The following LVRN variants were observed in gnomAD, a reference collection of about 807,000 sequenced individuals.
The protein encoded by LVRN is aminopeptidase Q.
LVRN carries 99 observed loss-of-function variants against 111.4 expected under a neutral mutation model. The ratio of observed to expected loss-of-function variants is 0.89; its 90% confidence interval spans 0.76 to 1.05. The LOEUF (loss-of-function observed/expected upper bound fraction) is 1.05. LVRN is among the 50% of genes least tolerant of loss of function. The pLI, the probability that LVRN is intolerant of heterozygous loss-of-function variation, is 0.00. For missense variants in LVRN, 1,414 were observed against 1,206.8 expected (o/e 1.17, Z -2.54); for synonymous variants, 488 against 449.5 (o/e 1.09, Z -1.08).
chr5:115,973,997 T>G (rs1378144434), intron 1 of LVRN, among the ~76,000 whole-genome samples: 2 of 152,212 alleles, frequency 1.3e-5, no homozygotes, highest in Non-Finnish European at 2.9e-5. Flanking sequence ...TAAGCCCCCA[T>G]TCATAACCCA....
chr5:115,966,842 T>C (rs886814247), intron 1 of LVRN, among the ~76,000 whole-genome samples: 1 of 152,242 alleles, frequency 6.6e-6, no homozygotes, highest in Non-Finnish European at 1.5e-5. Flanking sequence ...GCTGTCCTGA[T>C]AGGTGTATGG....
At chr5:116,020,643 A>C (rs112409483) in intron 18 of LVRN, among the ~76,000 whole-genome samples, 8 of 152,328 alleles carry the variant, frequency 5.3e-5, no homozygotes, top group Admixed American at 2.0e-4. Context: ...GAGCACAAGC[A>C]AAGTGAGAAG....
rs1194486382 is a variant in LVRN, at chr5:116,001,136, C to G, written c.1717C>G (p.Gln573Glu). The G allele has an allele frequency of 6.2e-7, 1 of 1,613,916 alleles. No individual in the cohort carries two copies. The highest frequency in any genetic ancestry group is 1.1e-5 in the South Asian group (1 of 91,016). The stretch of plus-strand genomic sequence containing the variant: ...AAACATAATGGACAGTTGGACACAC[C>G]AGAGTGGTTTTCCAGTGATCACTTT... ...IKNIMDSWTH[Q>E]SGFPVITLNV... The change falls in exon 10 of 20, where the codon CAG becomes GAG. Residue 573 changes from glutamine to glutamate, a missense_variant. Coordinates refer to ENST00000357872, the MANE Select transcript of LVRN (RefSeq NM_173800.5).
intron 1 of LVRN, among the ~76,000 whole-genome samples, chr5:115,969,590 G>C (rs565365209): frequency 1.8e-4 from 28 of 152,080 alleles, no homozygotes; most frequent in African/African-American, 6.5e-4. Flanking sequence ...GAGGTCAGGA[G>C]ATCAAGACCA....
intron 3 of LVRN, among the ~76,000 whole-genome samples, chr5:115,987,134 A>G (rs1273492373): frequency 3.9e-5 from 6 of 152,204 alleles, no homozygotes; most frequent in Admixed American, 3.9e-4. Context: ...AGCTCCAATT[A>G]CACAAACAAT....
chr5:116,000,474 G>T lies in LVRN; in HGVS notation c.1557G>T (p.Glu519Asp). The change falls in exon 8 of 20, where the codon GAG (glutamate) becomes GAT (aspartate). Residue 519 changes from glutamate to aspartate, a missense_variant. Coordinates refer to ENST00000357872, the MANE Select transcript of LVRN (RefSeq NM_173800.5). ...GGATGCTTTCTTGTTTCTTGAATGA[G>T]CATTTATTTGTCAGTGCACTCAAGG... Reference protein sequence around the residue: ...MARMLSCFLNEHLFVSALKSY... With the variant: ...MARMLSCFLNDHLFVSALKSY... 1 of 1,614,110 alleles carries T rather than the reference G, an allele frequency of 6.2e-7. No individual in the cohort carries two copies. Among genetic ancestry groups the T allele is most frequent in the Non-Finnish European group, 8.5e-7 (1 of 1,180,002 alleles).
chr5:116,012,386 A>G lies in LVRN; in HGVS notation c.2260A>G (p.Lys754Glu). ...IYSLLKRYLL[K>E]RLNLIWNIYS... ...TTATTGTTTATAGAGGTACCTATTA[A>G]AGAGACTTAATTTAATATGGAATAT... Residue 754 changes from lysine to glutamate, a missense_variant, in exon 15 of 20, where the codon AAG becomes GAG. Lys to Glu is a moderately conservative substitution (Grantham distance 56). Transcript: ENST00000357872. 2 of 1,493,478 alleles carry G rather than the reference A, an allele frequency of 1.3e-6. No individual in the cohort carries two copies. Among genetic ancestry groups the G allele is most frequent in the Non-Finnish European group, 1.8e-6 (2 of 1,083,458 alleles). 92.5% of individuals were successfully genotyped at this position (1,493,478 alleles called of 1,614,324 possible).
Position 115,989,136 on chromosome 5 carries a change from A to T in LVRN, c.1105+1197A>T, listed in dbSNP as rs114537744. ...CCATCCTTTATATGAAACCAGAAGG[A>T]TCTTTCCAGAGAAAATCTGATCATG... is the stretch of plus-strand genomic sequence containing the variant. On this transcript the variant is annotated intron_variant, in intron 4 of 19. Transcript: ENST00000357872. Among the ~76,000 whole-genome samples the T allele has an allele frequency of 6.0e-3, 907 of 152,284 alleles. 7 individuals are homozygous for T. The highest frequency in any genetic ancestry group is 0.021 in the African/African-American group (870 of 41,572).
intron 1 of LVRN, among the ~76,000 whole-genome samples, chr5:115,966,333 C>T (rs534610788): frequency 6.6e-6 from 1 of 152,298 alleles, no homozygotes; most frequent in South Asian, 2.1e-4. Context: ...ACCTTTCTGA[C>T]TCAGCATAAT....
At chr5:115,997,622 C>A (rs1748144340) in intron 6 of LVRN, among the ~76,000 whole-genome samples, 1 of 151,680 alleles carries the variant, frequency 6.6e-6, no homozygotes, top group Non-Finnish European at 1.5e-5. Context: ...TATGACCACA[C>A]CAGTGCACTC....
At chr5:116,002,236 T>C (rs942672988) in intron 10 of LVRN, among the ~76,000 whole-genome samples, 1 of 152,166 alleles carries the variant, frequency 6.6e-6, no homozygotes, top group Non-Finnish European at 1.5e-5. Context: ...CTTAACAAGA[T>C]TGGAAATATT....
Position 115,983,361 on chromosome 5 carries a change from A to T in LVRN, c.770A>T (p.Lys257Met), listed in dbSNP as rs750886569. 6 of 1,611,868 alleles carry T rather than the reference A, an allele frequency of 3.7e-6. No homozygotes were observed. In the African/African-American group the frequency reaches 6.7e-5, roughly 18 times the overall value. ...CCTTGTTTTGATGAGCCAGCTCTGA[A>T]GGCAACTTTTAATATTACAATGATT... ...VFPCFDEPAL[K>M]ATFNITMIHH... Residue 257 changes from lysine (K) to methionine (M), a missense_variant, in exon 2 of 20, where the codon AAG (lysine) becomes ATG (methionine). Physicochemically the swap from Lys to Met is moderately conservative, Grantham distance 95. Coordinates refer to ENST00000357872, the MANE Select transcript of LVRN (RefSeq NM_173800.5).
At chr5:115,996,949 T>C (rs1748126220) in intron 6 of LVRN, among the ~76,000 whole-genome samples, 1 of 152,204 alleles carries the variant, frequency 6.6e-6, no homozygotes, top group Non-Finnish European at 1.5e-5. Context: ...CTAGGTACTG[T>C]TGAGACAACT....
chr5:115,995,081 T>A lies in LVRN; in HGVS notation c.1374+1227T>A, dbSNP rs114460791. Reference sequence around the variant, plus strand: ...TTCACTCATTCAAAGGATTTATTAATATTGAAATGCTATCTCTACTTGCTG... The same window carrying A: ...TTCACTCATTCAAAGGATTTATTAAAATTGAAATGCTATCTCTACTTGCTG... On this transcript the variant is annotated intron_variant, in intron 6 of 19. Transcript: ENST00000357872. Among the ~76,000 whole-genome samples the A allele has an allele frequency of 4.1e-3, 631 of 152,322 alleles. 2 individuals carry two copies. Among genetic ancestry groups the A allele is most frequent in the Middle Eastern group, 6.8e-3 (2 of 294 alleles).
intron 15 of LVRN, among the ~76,000 whole-genome samples, chr5:116,013,510 C>T (rs1748533637): frequency 3.3e-5 from 5 of 152,138 alleles, no homozygotes; most frequent in African/African-American, 1.2e-4. Context: ...TGCACTTCCA[C>T]AGAACTCCAG....
At chr5:115,996,939 C>T (rs1388630474) in intron 6 of LVRN, among the ~76,000 whole-genome samples, 1 of 152,162 alleles carries the variant, frequency 6.6e-6, no homozygotes, top group Non-Finnish European at 1.5e-5. Flanking sequence ...ATTGCATCTG[C>T]TAGGTACTGT....
Position 116,001,155 on chromosome 5 carries a change from T to C in LVRN, c.1736T>C (p.Ile579Thr), listed in dbSNP as rs1426980671. The C allele has an allele frequency of 6.2e-7, 1 of 1,613,712 alleles. No individual in the cohort carries two copies. The highest frequency in any genetic ancestry group is 8.5e-7 in the Non-Finnish European group (1 of 1,179,908). The change falls in exon 10 of 20, where the codon ATC becomes ACC. Residue 579 changes from isoleucine to threonine, a missense_variant. Transcript: ENST00000357872. Reference protein sequence around the residue: ...SWTHQSGFPVITLNVSTGVMK... With the variant: ...SWTHQSGFPVTTLNVSTGVMK... Reference sequence around the variant, plus strand: ...ACACACCAGAGTGGTTTTCCAGTGATCACTTTAAATGTGTCTACTGGCGTC... The same window carrying C: ...ACACACCAGAGTGGTTTTCCAGTGACCACTTTAAATGTGTCTACTGGCGTC...
At chr5:115,986,650 T>A (rs1747871459) in intron 3 of LVRN, among the ~76,000 whole-genome samples, 1 of 152,130 alleles carries the variant, frequency 6.6e-6, no homozygotes, top group Non-Finnish European at 1.5e-5. Context: ...TGGAATAGAG[T>A]CCAGCCCATT....
intron 1 of LVRN, among the ~76,000 whole-genome samples, chr5:115,982,882 T>C (rs971344981): frequency 2.0e-5 from 3 of 152,156 alleles, no homozygotes; most frequent in African/African-American, 7.2e-5. Context: ...AAATAGACAT[T>C]CTTCCCCTGA....
Sources: gnomAD v4.1 joint callset for allele counts (sites outside exome capture counted in the v4.1 genomes callset) on GRCh38, gnomAD v4.1.1 for gene constraint, MANE v1.5 for transcripts, NCBI Gene and HGNC (gene_info 2026-07-23, HGNC 2026-07-21) for gene names.